Variants in COL6A6 observed in about 807,000 individuals in gnomAD.
The protein encoded by COL6A6 is collagen type VI alpha 6 chain.
In COL6A6, 183 loss-of-function variants were observed where a neutral mutation model predicts 208.6. The ratio of observed to expected loss-of-function variants is 0.88; its 90% CI spans 0.78 to 0.99. The LOEUF (loss-of-function observed/expected upper bound fraction) is 0.99, where lower values mean the gene tolerates loss of function less well. Among genes scored for constraint, COL6A6 ranks in the 50% least tolerant of loss-of-function variants. The pLI is 0.00. For synonymous variants in COL6A6, 973 were observed against 1,011.8 expected (o/e 0.96, Z 0.73); for missense variants, 2,816 against 2,815.2 (o/e 1.00, Z -0.01).
intron 33 of COL6A6, among the ~76,000 whole-genome samples, chr3:130,656,159 C>T (rs1220589847): frequency 1.3e-5 from 2 of 152,244 alleles, no homozygotes; most frequent in African/African-American, 4.8e-5. Flanking sequence ...CTCCTCTCTC[C>T]TCACCTTGTT....
At position 130,566,749 on chromosome 3, in the gene COL6A6, T is replaced by C; in HGVS notation, c.1330T>C (p.Ser444Pro). ...AGACATCTATCTGCTTATCGATGGCTCAGGGAGCACCCAGGCCACAGATTT... is the reference window on the plus strand; with the variant it reads ...AGACATCTATCTGCTTATCGATGGCCCAGGGAGCACCCAGGCCACAGATTT... The part of the protein sequence containing the change: ...EADIYLLIDG[S>P]GSTQATDFHE... Residue 444 changes from serine to proline, a missense_variant, in exon 5 of 37, where the codon TCA becomes CCA. By Grantham distance (74) the Ser-to-Pro change is moderately conservative. Transcript: ENST00000358511. The C allele has an allele frequency of 6.2e-7, 1 of 1,613,972 alleles. No homozygotes were observed. Among genetic ancestry groups the C allele is most frequent in the Non-Finnish European group, 8.5e-7 (1 of 1,179,874 alleles).
At chr3:130,563,711 A>G (rs1462671724) in intron 3 of COL6A6, 47 bp downstream of exon 3, 1 of 1,269,816 alleles carries the variant, frequency 7.9e-7, no homozygotes, top group Non-Finnish European at 1.1e-6. Context: ...ACGCTTTTGA[A>G]AAATTAAAAT....
chr3:130,620,584 A>G (rs1024070750), intron 23 of COL6A6, among the ~76,000 whole-genome samples: 2 of 152,142 alleles, frequency 1.3e-5, no homozygotes, highest in African/African-American at 2.4e-5. Flanking sequence ...GGGTGACAAT[A>G]TTGAGAATTT....
intron 1 of COL6A6, among the ~76,000 whole-genome samples, chr3:130,526,602 G>A (rs1193073310): frequency 6.6e-6 from 1 of 152,194 alleles, no homozygotes; most frequent in African/African-American, 2.4e-5. Flanking sequence ...GCCAAGAAGT[G>A]ATGGTGGCAG....
At chr3:130,651,457 G>C (rs936374663) in intron 33 of COL6A6, among the ~76,000 whole-genome samples, 6 of 149,234 alleles carry the variant, frequency 4.0e-5, no homozygotes, top group African/African-American at 1.2e-4. Flanking sequence ...AAGAATGATA[G>C]CTTTTGCTTT....
At position 130,593,311 on chromosome 3, in the gene COL6A6, C is replaced by T. The variant is rs965832050; in HGVS notation, c.4470+59C>T. 1.0e-5 allele frequency: 14 copies of T among 1,344,642 alleles called. 1 individual carries two copies. The highest frequency in any genetic ancestry group is 5.2e-5 in the Admixed American group (3 of 57,918). 83.3% of individuals were successfully genotyped at this position (1,344,642 alleles called of 1,614,324 possible). A position where few individuals can be genotyped will look rare whatever the true frequency, so the allele number is the denominator to read the frequency against. On this transcript the variant is annotated intron_variant, in intron 17 of 36. Transcript: ENST00000358511. ...TACTGGGGATTAAGGGTGTGATTAA[C>T]AGAGTAGAATACTCAGTCAGCTATT...
intron 33 of COL6A6, among the ~76,000 whole-genome samples, chr3:130,654,252 A>G (rs1354537839): frequency 2.6e-5 from 4 of 152,192 alleles, no homozygotes; most frequent in Non-Finnish European, 5.9e-5. Flanking sequence ...AATGGTTGCA[A>G]TAGATGACAT....
At chr3:130,651,371 A>G (rs1376401742) in intron 33 of COL6A6, among the ~76,000 whole-genome samples, 2 of 144,500 alleles carry the variant, frequency 1.4e-5, no homozygotes, top group Admixed American at 7.5e-5. Context: ...GGTTGCAGTG[A>G]GCCGAGATTG....
intron 1 of COL6A6, among the ~76,000 whole-genome samples, chr3:130,557,493 G>GAAGA (rs1252739581): frequency 6.6e-6 from 1 of 152,144 alleles, no homozygotes; most frequent in Non-Finnish European, 1.5e-5. Context: ...AGGAAATAAT[G>GAAGA]AAGACATCAG....
In COL6A6 at chr3:130,642,996, C is replaced by T; in HGVS notation, c.5200C>T (p.Leu1734Phe). Residue 1734 changes from leucine (L) to phenylalanine (F), a missense_variant, in exon 31 of 37, where the codon CTC becomes TTC. Coordinates refer to ENST00000358511, the MANE Select transcript of COL6A6 (RefSeq NM_001102608.3). ...KGLASFSTCE[L>F]IQYVRDRSPG... is the part of the protein sequence containing the mutation. Reference sequence around the variant, plus strand: ...TATTTTCGAACTGCAGACATGTGAGCTCATTCAGTATGTGCGAGACCGCAG... The same window carrying T: ...TATTTTCGAACTGCAGACATGTGAGTTCATTCAGTATGTGCGAGACCGCAG... The T allele has an allele frequency of 6.2e-7, 1 of 1,613,868 alleles. No homozygotes were observed. Among genetic ancestry groups the T allele is most frequent in the Non-Finnish European group, 8.5e-7 (1 of 1,179,798 alleles).
At chr3:130,580,349 G>T (rs2063391049) in intron 8 of COL6A6, among the ~76,000 whole-genome samples, 1 of 152,104 alleles carries the variant, frequency 6.6e-6, no homozygotes, top group Non-Finnish European at 1.5e-5. Flanking sequence ...CCAGATTTTT[G>T]ATAACACTTT....
In COL6A6 at chr3:130,563,396, TC is replaced by T; in HGVS notation, c.398del (p.Pro133GlnfsTer3). ...CAAATGGGAGAGACAAGAAACAGTT[TC>T]CCCCAATTCTAGTGGTCCTGGCTTC... ...PANGRDKKQF[P>X]PILVVLASSE... On this transcript the variant is annotated frameshift_variant, in exon 3 of 37. Transcript: ENST00000358511. LOFTEE classifies it high-confidence loss of function. 1 of 1,613,956 alleles carries T rather than the reference TC, an allele frequency of 6.2e-7. No individual in the cohort carries two copies. The highest frequency in any genetic ancestry group is 8.5e-7 in the Non-Finnish European group (1 of 1,179,896).
chr3:130,592,457 T>C, intron 13 of COL6A6, 84 bp from the exon 14 acceptor site: 3 of 1,041,350 alleles, frequency 2.9e-6, no homozygotes, highest in Non-Finnish European at 4.3e-6. Context: ...ACACTTTTTT[T>C]GGTAACAAAA....
chr3:130,597,329 C>T lies in COL6A6; in HGVS notation c.4534-1036C>T, dbSNP rs942186372. On this transcript the variant is annotated intron_variant, in intron 18 of 36. Coordinates refer to ENST00000358511, the MANE Select transcript of COL6A6 (RefSeq NM_001102608.3). ...GAGGAAAGAAGCAATTTTTCACCTA[C>T]ATTTTAGTAATATCAGTGTTATAAA... is the stretch of plus-strand genomic sequence containing the variant. Among the ~76,000 whole-genome samples, 6 of 152,178 alleles carry T rather than the reference C, an allele frequency of 3.9e-5. 1 individual carries two copies. The highest frequency in any genetic ancestry group is 3.2e-3 in the Middle Eastern group (1 of 316).
rs1559780775 is a variant in COL6A6 at position 130,642,990 on chromosome 3, T to C, written c.5194T>C (p.Cys1732Arg). The change falls in exon 31 of 37, where the codon TGT (cysteine) becomes CGT (arginine). Residue 1732 changes from cysteine (C) to arginine (R), a missense_variant. Transcript: ENST00000358511. ...CTGTTTTATTTTCGAACTGCAGACA[T>C]GTGAGCTCATTCAGTATGTGCGAGA... ...GAKGLASFST[C>R]ELIQYVRDRS... 1.2e-6 allele frequency: 2 copies of C among 1,613,894 alleles called. No individual in the cohort carries two copies. The highest frequency in any genetic ancestry group is 1.7e-6 in the Non-Finnish European group (2 of 1,179,778).
intron 20 of COL6A6, among the ~76,000 whole-genome samples, chr3:130,606,088 T>C (rs76450072): frequency 1.5e-3 from 236 of 152,350 alleles, no homozygotes; most frequent in African/African-American, 5.2e-3. Context: ...ATTAGCAGAA[T>C]TTAAAGTTTG....
chr3:130,642,502 G>A (rs531583728), intron 29 of COL6A6, among the ~76,000 whole-genome samples: 16 of 152,266 alleles, frequency 1.1e-4, no homozygotes, highest in East Asian at 5.8e-4. Flanking sequence ...GTCCTGAGGC[G>A]TAGGCGTGCT....
At chr3:130,638,949 A>G (rs1206473750) in intron 28 of COL6A6, among the ~76,000 whole-genome samples, 1 of 152,184 alleles carries the variant, frequency 6.6e-6, no homozygotes, top group Non-Finnish European at 1.5e-5. Flanking sequence ...TAGGTCCTTC[A>G]TAGGCACTAG....
chr3:130,618,755 A>G (rs544940369), intron 23 of COL6A6, among the ~76,000 whole-genome samples: 6 of 152,222 alleles, frequency 3.9e-5, no homozygotes, highest in African/African-American at 7.2e-5. Flanking sequence ...TCTAATGGCA[A>G]GGTCCTGTAT....
Sources: allele counts gnomAD v4.1 joint callset (sites outside exome capture counted in the v4.1 genomes callset), GRCh38; gene constraint gnomAD v4.1.1; transcripts MANE v1.5; gene names NCBI Gene and HGNC (gene_info 2026-07-23, HGNC 2026-07-21).